WDR87: variants seen among roughly 807,000 people sequenced by gnomAD.
WDR87 encodes the protein WD repeat-containing protein 87.
A neutral mutation model predicts 83.3 loss-of-function variants in WDR87; 56 were observed. That is an observed-to-expected ratio of 0.67 (90% confidence interval 0.54 to 0.84). WDR87 has a LOEUF of 0.84. Ranked by LOEUF, WDR87 falls within the 40% of genes least tolerant of loss-of-function variation. WDR87 has a pLI of 0.00. For synonymous variants in WDR87, 1,173 were observed against 1,250.6 expected (o/e 0.94, Z 1.31); for missense variants, 2,939 against 3,431.9 (o/e 0.86, Z 3.59).
Position 37,884,931 on chromosome 19 carries a change from A to G in WDR87, c.*1T>C. ...AGTCCCAGCCTCCAGTCAGTCCCAAATTAGAGAGTGGGAGCAACGGTGTGT... is the reference window on the plus strand; with the variant it reads ...AGTCCCAGCCTCCAGTCAGTCCCAAGTTAGAGAGTGGGAGCAACGGTGTGT... On this transcript the variant is annotated 3_prime_UTR_variant, in exon 6 of 6. Transcript: ENST00000447313. 5 of 1,294,010 alleles carry G rather than the reference A, an allele frequency of 3.9e-6. No individual in the cohort carries two copies. Among genetic ancestry groups the G allele is most frequent in the Non-Finnish European group, 4.9e-6 (5 of 1,014,126 alleles). 80.2% of individuals were successfully genotyped at this position (1,294,010 alleles called of 1,614,324 possible).
chr19:37,900,732 TC>T (rs2046288401), intron 1 of WDR87, among the ~76,000 whole-genome samples: 1 of 151,762 alleles, frequency 6.6e-6, no homozygotes, highest in South Asian at 2.1e-4. Context: ...CTTTCCACGC[TC>T]CCCAGACTGC....
Position 37,891,880 on chromosome 19 carries a change from A to T in WDR87, c.3126-60T>A, listed in dbSNP as rs1370634398. On this transcript the variant is annotated intron_variant, in intron 4 of 5. Transcript: ENST00000447313. ...AGTCAGGAACAAAAGGGAGAATGGG[A>T]AGCAAAAAACGGTTGTGGAACAGGC... The T allele has an allele frequency of 5.3e-6, 8 of 1,519,870 alleles. No homozygotes were observed. The East Asian group carries it at 2.0e-4, about 37-fold the overall frequency. 94.1% of individuals were successfully genotyped at this position (1,519,870 alleles called of 1,614,324 possible). A position where few individuals can be genotyped will look rare whatever the true frequency, so the allele number is the denominator to read the frequency against.
chr19:37,892,114 G>A (rs1466376335), intron 4 of WDR87, among the ~76,000 whole-genome samples: 2 of 152,170 alleles, frequency 1.3e-5, no homozygotes, highest in South Asian at 2.1e-4. Flanking sequence ...AGCAGGCCAG[G>A]TATGGTGGCT....
In WDR87 at chr19:37,889,857, T is replaced by C; in HGVS notation, c.3814A>G (p.Arg1272Gly). The change falls in exon 6 of 6, where the codon AGG becomes GGG. Residue 1272 changes from arginine (R) to glycine (G), a missense_variant. Around this residue, in one of 3 missense-constraint regions of WDR87, gnomAD observed 2,160 missense variants for 2,533.1 expected, o/e 0.85. Coordinates refer to ENST00000447313, the MANE Select transcript of WDR87 (RefSeq NM_001291088.2). ...GRGASGISGR[R>G]STAGDGSSWR... Reference sequence around the variant, plus strand: ...GATGAGCCATCTCCAGCGGTTGACCTGCGGCCAGATATTCCAGAGGCTCCC... The same window carrying C: ...GATGAGCCATCTCCAGCGGTTGACCCGCGGCCAGATATTCCAGAGGCTCCC... 2 of 1,551,776 alleles carry C rather than the reference T, an allele frequency of 1.3e-6. No individual in the cohort carries two copies. Among genetic ancestry groups the C allele is most frequent in the Non-Finnish European group, 1.7e-6 (2 of 1,147,020 alleles).
chr19:37,888,863 T>C lies in WDR87; in HGVS notation c.4808A>G (p.Glu1603Gly). 1.9e-6 allele frequency: 3 copies of C among 1,552,118 alleles called. No homozygotes were observed. Among genetic ancestry groups the C allele is most frequent in the Non-Finnish European group, 2.6e-6 (3 of 1,147,094 alleles). Residue 1603 changes from glutamate to glycine, a missense_variant, in exon 6 of 6, where the codon GAG (glutamate) becomes GGG (glycine). By Grantham distance (98) the Glu-to-Gly change is moderately conservative (BLOSUM62 -2). Coordinates refer to ENST00000447313, the MANE Select transcript of WDR87 (RefSeq NM_001291088.2). ...GEEKEQQVTEEQRHIQEEHKW... is the reference protein window; with the variant it reads ...GEEKEQQVTEGQRHIQEEHKW... ...GTGTTCTTCTTGGATGTGTCTCTGC[T>C]CTTCTGTGACCTGCTGTTCTTTTTC...
At position 37,896,617 on chromosome 19, in the gene WDR87, C is replaced by CT. The variant is rs535236456; in HGVS notation, c.76-310dup. Reference sequence around the variant, plus strand: ...TTAGCCATGCCTGCCCTCTAACATTCTTTTTTTTGTTTTGTTTTTTAGATG... The same window carrying CT: ...TTAGCCATGCCTGCCCTCTAACATTCTTTTTTTTTGTTTTGTTTTTTAGATG... On this transcript the variant is annotated intron_variant, in intron 2 of 5. Coordinates refer to ENST00000447313, the MANE Select transcript of WDR87 (RefSeq NM_001291088.2). 1.1e-4 allele frequency among the ~76,000 whole-genome samples: 17 copies of CT among 152,050 alleles called. No homozygotes were observed. In the South Asian group the frequency reaches 1.5e-3, roughly 13 times the overall value.
At position 37,892,656 on chromosome 19, in the gene WDR87, A is replaced by T. The variant is rs1339094829; in HGVS notation, c.3047T>A (p.Leu1016His). 1 of 1,550,272 alleles carries T rather than the reference A, an allele frequency of 6.5e-7. No homozygotes were observed. The highest frequency in any genetic ancestry group is 2.4e-5 in the East Asian group (1 of 40,878). The change falls in exon 4 of 6, where the codon CTC (leucine) becomes CAC (histidine). Residue 1016 changes from leucine to histidine, a missense_variant. Physicochemically the swap from Leu to His is moderately conservative, Grantham distance 99. Around this residue, in one of 3 missense-constraint regions of WDR87, gnomAD observed 2,160 missense variants for 2,533.1 expected, o/e 0.85. Transcript: ENST00000447313. ...DERVRIKTLS[L>H]MAEIGIHSRT... ...AGAGTGGATTCCAATCTCAGCCATG[A>T]GGCTTAGGGTCTTGATCCTCACTCT...
Position 37,887,559 on chromosome 19 carries a change from T to C in WDR87, c.6112A>G (p.Thr2038Ala), listed in dbSNP as rs2046161036. The C allele has an allele frequency of 1.3e-6, 2 of 1,551,730 alleles. No individual in the cohort carries two copies. The highest frequency in any genetic ancestry group is 2.7e-5 in the African/African-American group (2 of 73,036). ...TPETSRQRKM[T>A]QVEQELFERK... The stretch of plus-strand genomic sequence containing the variant: ...TCAAATAGTTCTTGTTCAACTTGAG[T>C]CATTTTCCTTTGTCTAGAAGTTTCT... The change falls in exon 6 of 6, where the codon ACT becomes GCT. Residue 2038 changes from threonine (T) to alanine (A), a missense_variant. Physicochemically the swap from Thr to Ala is moderately conservative, Grantham distance 58. Transcript: ENST00000447313.
rs1320382326 is a variant in WDR87 at position 37,906,560 on chromosome 19, AG to A, written c.-109del. 2 of 151,726 alleles carry A rather than the reference AG, an allele frequency of 1.3e-5. No homozygotes were observed. Among genetic ancestry groups the A allele is most frequent in the African/African-American group, 2.4e-5 (1 of 41,120 alleles). 9.4% of individuals were successfully genotyped at this position (151,726 alleles called of 1,614,324 possible). On this transcript the variant is annotated 5_prime_UTR_variant, in exon 1 of 6. Transcript: ENST00000447313. ...TGTGCACTCAGGAGCTCCTAGAGCTAGGGGCAGCAACTAAGAAGCTACCTGG... is the reference window on the plus strand; with the variant it reads ...TGTGCACTCAGGAGCTCCTAGAGCTAGGGCAGCAACTAAGAAGCTACCTGG...
chr19:37,893,720 C>G lies in WDR87; in HGVS notation c.1983G>C (p.Leu661=). The G allele has an allele frequency of 1.3e-6, 2 of 1,551,652 alleles. No homozygotes were observed. Among genetic ancestry groups the G allele is most frequent in the Non-Finnish European group, 1.7e-6 (2 of 1,147,052 alleles). ...AAAGACTCTGGTTAAAAGTCACAAG[C>G]AGGTCACCCCGGTCATTTGCAAAAC... is the stretch of plus-strand genomic sequence containing the variant. The part of the protein sequence containing the change: ...PVCFANDRGD[L]LVTFNQSLYL... Residue 661 remains leucine (L), a synonymous_variant, in exon 4 of 6, where the codon CTG becomes CTC. Coordinates refer to ENST00000447313, the MANE Select transcript of WDR87 (RefSeq NM_001291088.2).
intron 1 of WDR87, among the ~76,000 whole-genome samples, chr19:37,905,119 C>T (rs1234017364): frequency 6.6e-6 from 1 of 151,642 alleles, no homozygotes; most frequent in Non-Finnish European, 1.5e-5. Flanking sequence ...GTAATCCCAG[C>T]TACTTGGGAG....
rs1475981823 is a variant in WDR87, at chr19:37,888,228, A to G, written c.5443T>C (p.Leu1815=). Residue 1815 remains leucine, a synonymous_variant, in exon 6 of 6, where the codon TTG becomes CTG. Coordinates refer to ENST00000447313, the MANE Select transcript of WDR87 (RefSeq NM_001291088.2). ...AGTTTCTCCTTTTCCTGGATCAGCA[A>G]CTCTTCTTCCTGGGCCAGTTTTGTC... ...EETKLAQEEE[L]LIQEKEKLAQ... 1.9e-6 allele frequency: 3 copies of G among 1,549,472 alleles called. No individual in the cohort carries two copies. The highest frequency in any genetic ancestry group is 1.2e-5 in the South Asian group (1 of 83,936).
Position 37,889,066 on chromosome 19 carries a change from T to C in WDR87, c.4605A>G (p.Leu1535=). The change falls in exon 6 of 6, where the codon CTA becomes CTG. Residue 1535 remains leucine, a synonymous_variant. Coordinates refer to ENST00000447313, the MANE Select transcript of WDR87 (RefSeq NM_001291088.2). ...EKRLLQEEEK[L]HQAGEKLSPE... ...GGGATAGCTTCTCTCCAGCCTGATG[T>C]AGTTTCTCCTCTTCCTGAAGAAGCC... 1 of 1,552,158 alleles carries C rather than the reference T, an allele frequency of 6.4e-7. No homozygotes were observed. Among genetic ancestry groups the C allele is most frequent in the Non-Finnish European group, 8.7e-7 (1 of 1,147,100 alleles).
Position 37,890,175 on chromosome 19 carries a change from C to CG in WDR87, c.3495dup (p.Ala1166ArgfsTer4), listed in dbSNP as rs1568451415. ...GATGCTTCCTCCATCTCAATTGGTG[C>CG]GGCCTCAGTCCCACTTTCATCCTCT... On this transcript the variant is annotated frameshift_variant, in exon 6 of 6. Transcript: ENST00000447313. LOFTEE classifies it low-confidence loss of function (END_TRUNC). The CG allele has an allele frequency of 6.4e-7, 1 of 1,551,752 alleles. No homozygotes were observed.
In WDR87 at chr19:37,889,203, T is replaced by A. The variant is rs1031864528; in HGVS notation, c.4468A>T (p.Ile1490Phe). 10 of 1,552,092 alleles carry A rather than the reference T, an allele frequency of 6.4e-6. No homozygotes were observed. Among genetic ancestry groups the A allele is most frequent in the African/African-American group, 2.7e-5 (2 of 73,016 alleles). Residue 1490 changes from isoleucine (I) to phenylalanine (F), a missense_variant, in exon 6 of 6, where the codon ATT (isoleucine) becomes TTT (phenylalanine). By Grantham distance (21) the Ile-to-Phe change is conservative. Coordinates refer to ENST00000447313, the MANE Select transcript of WDR87 (RefSeq NM_001291088.2). ...TCCTGCCAAGATGGTGTCCTCTCAA[T>A]CATAACCAGTTTTCCTTCTTGTTTG... ...VVKQEGKLVM[I>F]ERTPSWQDWK... is the part of the protein sequence containing the mutation.
chr19:37,896,099 T>C (rs2046253252), intron 3 of WDR87, 39 bp downstream of exon 3: 1 of 1,550,808 alleles, frequency 6.4e-7, no homozygotes, highest in Admixed American at 2.0e-5. Flanking sequence ...GCATGGCTCT[T>C]GGAGAATGGG....
At chr19:37,904,301 CTTCT>C (rs1439706294) in intron 1 of WDR87, among the ~76,000 whole-genome samples, 1 of 151,684 alleles carries the variant, frequency 6.6e-6, no homozygotes, top group Non-Finnish European at 1.5e-5. Context: ...ACCAGCTGTC[CTTCT>C]GTTTCCCCTT....
At position 37,885,353 on chromosome 19, in the gene WDR87, T is replaced by C. The variant is rs1481897346; in HGVS notation, c.8318A>G (p.His2773Arg). The change falls in exon 6 of 6, where the codon CAT becomes CGT. Residue 2773 changes from histidine (H) to arginine (R), a missense_variant. His to Arg is a conservative substitution (Grantham distance 29). Transcript: ENST00000447313. ...PLWETFVALYHVLRMLQQRYP... is the reference protein window; with the variant it reads ...PLWETFVALYRVLRMLQQRYP... ...TCGCTGCTGCAGCATCCGCAAAACA[T>C]GGTACAGTGCCACAAATGTCTCCCA... 3 of 1,551,776 alleles carry C rather than the reference T, an allele frequency of 1.9e-6. No individual in the cohort carries two copies. The highest frequency in any genetic ancestry group is 2.6e-6 in the Non-Finnish European group (3 of 1,147,008).
chr19:37,888,579 C>T lies in WDR87; in HGVS notation c.5092G>A (p.Ala1698Thr), dbSNP rs1248585376. Reference protein sequence around the residue: ...EKLSQEAEKLAQKRKKLAKKW... With the variant: ...EKLSQEAEKLTQKRKKLAKKW... ...TTGGCCAGTTTCTTCCTTTTCTGGG[C>T]CAATTTCTCCGCCTCCTGGCTTAGC... Residue 1698 changes from alanine (A) to threonine (T), a missense_variant, in exon 6 of 6, where the codon GCC becomes ACC. Transcript: ENST00000447313. 3 of 1,551,842 alleles carry T rather than the reference C, an allele frequency of 1.9e-6. No individual in the cohort carries two copies. The highest frequency in any genetic ancestry group is 1.7e-6 in the Non-Finnish European group (2 of 1,147,030).
Sources: allele counts gnomAD v4.1 joint callset (sites outside exome capture counted in the v4.1 genomes callset), GRCh38; gene constraint gnomAD v4.1.1; regional missense constraint gnomAD v4.1.1; transcripts MANE v1.5; gene names NCBI Gene and HGNC (gene_info 2026-07-23, HGNC 2026-07-21).